The following RIMS2 variants were observed in gnomAD, a reference collection of about 807,000 sequenced individuals.
RIMS2 encodes the protein regulating synaptic membrane exocytosis protein 2.
In RIMS2, 59 loss-of-function variants were observed where a neutral mutation model predicts 174.4. The ratio of observed to expected loss-of-function variants is 0.34; its 90% CI spans 0.27 to 0.42. The LOEUF is 0.42. Ranked by LOEUF, RIMS2 falls within the 10% of genes least tolerant of loss-of-function variation. The pLI, the probability that RIMS2 is intolerant of heterozygous loss-of-function variation, is 1.00. For missense variants in RIMS2, 1,620 were observed against 1,666.3 expected (o/e 0.97, Z 0.48); for synonymous variants, 606 against 572.5 (o/e 1.06, Z -0.84).
At chr8:103,759,125 G>A (rs1044191051) in intron 2 of RIMS2, among the ~76,000 whole-genome samples, 1 of 152,142 alleles carries the variant, frequency 6.6e-6, no homozygotes, top group Admixed American at 6.5e-5. Flanking sequence ...GACTCAGGAC[G>A]AGGATGCATT....
chr8:103,576,382 T>G (rs773620013), intron 1 of RIMS2, among the ~76,000 whole-genome samples: 10 of 152,006 alleles, frequency 6.6e-5, no homozygotes, highest in Admixed American at 2.0e-4. Context: ...GCCAGATAGG[T>G]AAGACTGGAA....
chr8:103,712,188 T>TA (rs1010077502), intron 2 of RIMS2, among the ~76,000 whole-genome samples: 5 of 140,554 alleles, frequency 3.6e-5, no homozygotes, highest in African/African-American at 1.3e-4. Context: ...TTTTTTTTTT[T>TA]AAATAGAGAC....
intron 19 of RIMS2, among the ~76,000 whole-genome samples, chr8:104,127,669 ATTAAG>A: frequency 6.6e-6 from 1 of 152,314 alleles, no homozygotes; most frequent in South Asian, 2.1e-4. Context: ...TTGTTTGAGG[ATTAAG>A]TTAAAACTAG....
At chr8:103,852,151 T>C (rs2099002208) in intron 3 of RIMS2, among the ~76,000 whole-genome samples, 2 of 151,992 alleles carry the variant, frequency 1.3e-5, no homozygotes. Context: ...CAAGATTGGA[T>C]CCTGTTTTTT....
chr8:104,032,644 T>A (rs537918370), intron 19 of RIMS2, among the ~76,000 whole-genome samples: 1 of 152,064 alleles, frequency 6.6e-6, no homozygotes, highest in Non-Finnish European at 1.5e-5. Context: ...GAGAATACAT[T>A]GAAATTTTCA....
At chr8:104,180,123 T>C (rs1288049583) in intron 19 of RIMS2, among the ~76,000 whole-genome samples, 1 of 151,822 alleles carries the variant, frequency 6.6e-6, no homozygotes, top group Non-Finnish European at 1.5e-5. Context: ...ATTTAGGCTT[T>C]TCTATACAAT....
intron 3 of RIMS2, among the ~76,000 whole-genome samples, chr8:103,823,902 A>T (rs952919698): frequency 6.6e-6 from 1 of 152,058 alleles, no homozygotes; most frequent in African/African-American, 2.4e-5. Context: ...CATCTAATAT[A>T]CACATTTTAT....
intron 1 of RIMS2, among the ~76,000 whole-genome samples, chr8:103,599,691 T>C (rs1324526789): frequency 6.6e-6 from 1 of 151,982 alleles, no homozygotes; most frequent in Admixed American, 6.6e-5. Context: ...GCTCAAGTGA[T>C]CCTCTTGCCT....
chr8:103,569,447 G>T (rs1435402934), intron 1 of RIMS2, among the ~76,000 whole-genome samples: 1 of 152,028 alleles, frequency 6.6e-6, no homozygotes, highest in Admixed American at 6.6e-5. Context: ...GTCAATTTAG[G>T]GAATATTGCT....
At chr8:103,529,578 G>A (rs557366977) in intron 1 of RIMS2, among the ~76,000 whole-genome samples, 1 of 152,200 alleles carries the variant, frequency 6.6e-6, no homozygotes, top group Non-Finnish European at 1.5e-5. Flanking sequence ...TGCTTCCCGG[G>A]TGAGGCGATG....
At chr8:103,785,635 G>T (rs961579102) in intron 3 of RIMS2, among the ~76,000 whole-genome samples, 2 of 152,014 alleles carry the variant, frequency 1.3e-5, no homozygotes, top group South Asian at 4.2e-4. Context: ...TGATCATGGT[G>T]GATAAGCTTT....
intron 4 of RIMS2, among the ~76,000 whole-genome samples, chr8:103,898,523 A>G (rs1594779308): frequency 6.6e-6 from 1 of 151,696 alleles, no homozygotes; most frequent in East Asian, 1.9e-4. Flanking sequence ...TTGAGTTTAT[A>G]GTAGTCCACT....
chr8:104,248,970 C>G lies in RIMS2; in HGVS notation c.3589+157C>G, dbSNP rs541901492. Among the ~76,000 whole-genome samples, 9 of 137,436 alleles carry G rather than the reference C, an allele frequency of 6.5e-5. No homozygotes were observed. The South Asian group carries it at 2.1e-3, about 32-fold the overall frequency. The allele number at this position is 137,436 out of a possible 152,430, so 90.2% of individuals were successfully genotyped here. ...TTAAGACAGAGTTTCACTCTGTTGC[C>G]CAGGCTGAAGTGCAGTGGCATGATT... On this transcript the variant is annotated intron_variant, in intron 21 of 23. Transcript: ENST00000504942.
intron 19 of RIMS2, among the ~76,000 whole-genome samples, chr8:104,200,895 A>G (rs1272822632): frequency 6.6e-6 from 1 of 152,228 alleles, no homozygotes; most frequent in Non-Finnish European, 1.5e-5. Context: ...GCTGGGTGAC[A>G]CAGTGAGACC....
intron 1 of RIMS2, among the ~76,000 whole-genome samples, chr8:103,678,835 T>G (rs1438036341): frequency 6.6e-6 from 1 of 151,994 alleles, no homozygotes; most frequent in Non-Finnish European, 1.5e-5. Context: ...GGATCACAAG[T>G]TAAGATAGAA....
intron 18 of RIMS2, 57 bp from the exon 21 acceptor site, chr8:104,014,449 G>T (rs1261686789): frequency 3.3e-6 from 3 of 901,408 alleles, no homozygotes; most frequent in Non-Finnish European, 5.3e-6. Context: ...CCAAATGTAG[G>T]TATTAAAAAT....
At chr8:103,570,850 T>C (rs184817704) in intron 1 of RIMS2, among the ~76,000 whole-genome samples, 67 of 152,266 alleles carry the variant, frequency 4.4e-4, no homozygotes, top group Non-Finnish European at 7.2e-4. Flanking sequence ...TATTTCCAGA[T>C]AAAGTTTGCA....
At chr8:103,777,741 C>T (rs967204435) in intron 3 of RIMS2, among the ~76,000 whole-genome samples, 1 of 151,722 alleles carries the variant, frequency 6.6e-6, no homozygotes, top group Non-Finnish European at 1.5e-5. Context: ...TAATGGTATG[C>T]ATATAAAAGT....
chr8:103,975,468 G>T, exon 16 of RIMS2: 1 of 1,613,344 alleles, frequency 6.2e-7, no homozygotes, highest in Non-Finnish European at 8.5e-7. Flanking sequence ...TTATAGGAAG[G>T]ACTAGATCAT....
Sources: allele counts gnomAD v4.1 joint callset (sites outside exome capture counted in the v4.1 genomes callset), GRCh38; gene constraint gnomAD v4.1.1; transcripts MANE v1.5; gene names NCBI Gene and HGNC (gene_info 2026-07-23, HGNC 2026-07-21).